DSC2: variants seen among roughly 807,000 people sequenced by gnomAD.
DSC2 encodes desmocollin 2.
In DSC2, 51 loss-of-function variants were observed where a neutral mutation model predicts 87.6. That is an observed-to-expected ratio of 0.58 (90% CI 0.46 to 0.74). The LOEUF (loss-of-function observed/expected upper bound fraction) is 0.74. Among genes scored for constraint, DSC2 ranks in the 30% least tolerant of loss-of-function variants. DSC2 has a pLI of 0.00. For missense variants in DSC2, 1,066 were observed against 1,089.5 expected (o/e 0.98, Z 0.30); for synonymous variants, 383 against 393.2 (o/e 0.97, Z 0.31).
In DSC2 at chr18:31,059,847, T is replaced by G. The variant is rs1415751523; in HGVS notation, c.*8168A>C. 1 of 152,312 alleles carries G rather than the reference T, an allele frequency of 6.6e-6. No homozygotes were observed. Among genetic ancestry groups the G allele is most frequent in the East Asian group, 1.9e-4 (1 of 5,188 alleles). 9.4% of individuals were successfully genotyped at this position (152,312 alleles called of 1,614,324 possible). On this transcript the variant is annotated 3_prime_UTR_variant, in exon 16 of 16. Transcript: ENST00000280904. ...TCAAAATAAAATGATTGCATGATAT[T>G]CCATCATCATATCACAATAGTGATA...
Position 31,078,170 on chromosome 18 carries a change from C to A in DSC2, c.1663+1677G>T, listed in dbSNP as rs541619144. On this transcript the variant is annotated intron_variant, in intron 11 of 15. Transcript: ENST00000280904. The stretch of plus-strand genomic sequence containing the variant: ...TCCATTAGGGAGTGGCAGGGAGAAC[C>A]CAAATGAAATTAGCCAGTATAGATT... Among the ~76,000 whole-genome samples the A allele has an allele frequency of 6.6e-5, 10 of 152,128 alleles. No homozygotes were observed. The East Asian group carries it at 9.6e-4, about 15-fold the overall frequency.
chr18:31,088,001 G>A lies in DSC2; in HGVS notation c.631-188C>T, dbSNP rs2276373. 0.26 allele frequency among the ~76,000 whole-genome samples: 39,099 copies of A among 151,974 alleles called. 5,171 individuals are homozygous for A. The highest frequency in any genetic ancestry group is 0.33 in the Middle Eastern group (96 of 292). On this transcript the variant is annotated intron_variant, in intron 5 of 15. Transcript: ENST00000280904. ...GGTGCCTAATTTCATGATTCAATAT[G>A]GCATTGTATGTTTAAATTTATCTCT...
At chr18:31,081,751 G>A (rs890677294) in intron 9 of DSC2, among the ~76,000 whole-genome samples, 1 of 152,198 alleles carries the variant, frequency 6.6e-6, no homozygotes, top group African/African-American at 2.4e-5. Context: ...AGTTTTAGAA[G>A]TGTTTGCATT....
chr18:31,082,363 C>T lies in DSC2; in HGVS notation c.1138G>A (p.Asp380Asn), dbSNP rs267605147. 2 of 1,613,752 alleles carry T rather than the reference C, an allele frequency of 1.2e-6. No homozygotes were observed. The highest frequency in any genetic ancestry group is 2.7e-5 in the African/African-American group (2 of 74,920). The change falls in exon 9 of 16, where the codon GAT becomes AAT. Residue 380 changes from aspartate (D) to asparagine (N), a missense_variant. Coordinates refer to ENST00000280904, the MANE Select transcript of DSC2 (RefSeq NM_024422.6). ...TTAGCAGTATTCACTAAGTCCTTAT[C>T]CTCAACAGTAACTCGTAAGATTTCC... ...DVEILRVTVE[D>N]KDLVNTANWR... is the part of the protein sequence containing the mutation.
At chr18:31,101,615 G>A (rs1237134452) in intron 1 of DSC2, 2 of 407,394 alleles carry the variant, frequency 4.9e-6, no homozygotes, top group Non-Finnish European at 8.7e-6. Context: ...GCGTACCCAG[G>A]GGCCACGATT....
At chr18:31,068,871 G>A in intron 15 of DSC2, 23 bp downstream of exon 15, 1 of 1,612,354 alleles carries the variant, frequency 6.2e-7, no homozygotes, top group Non-Finnish European at 8.5e-7. Context: ...AAATAGATTT[G>A]TAGGCCACTT....
chr18:31,068,285 T>C (rs1986698534), intron 15 of DSC2, 73 bp from the exon 16 acceptor site: 6 of 1,612,906 alleles, frequency 3.7e-6, no homozygotes, highest in Non-Finnish European at 5.1e-6. Flanking sequence ...ATAAAAGTAA[T>C]TGCTTTGATT....
At position 31,061,982 on chromosome 18, in the gene DSC2, T is replaced by C. The variant is rs1454568183; in HGVS notation, c.*6033A>G. The C allele has an allele frequency of 1.3e-5, 2 of 152,224 alleles. No individual in the cohort carries two copies. The highest frequency in any genetic ancestry group is 2.9e-5 in the Non-Finnish European group (2 of 68,054). The allele number at this position is 152,224 out of a possible 1,614,324, so 9.4% of individuals were successfully genotyped here. On this transcript the variant is annotated 3_prime_UTR_variant, in exon 16 of 16. Transcript: ENST00000280904. The stretch of plus-strand genomic sequence containing the variant: ...GAAAGCAAAACACATAGGTCTGTCC[T>C]ACATGTCCTACGTGAGAAGAGCAGG...
At position 31,074,783 on chromosome 18, in the gene DSC2, C is replaced by G. The variant is rs146161960; in HGVS notation, c.1788G>C (p.Ala596=). 6.2e-7 allele frequency: 1 copy of G among 1,613,852 alleles called. No homozygotes were observed. Among genetic ancestry groups the G allele is most frequent in the East Asian group, 2.2e-5 (1 of 44,856 alleles). ...CATGGATAGGCTCATCAGGATCAACCGCAACAATCTCCGCAGATGACATGG... is the reference window on the plus strand; with the variant it reads ...CATGGATAGGCTCATCAGGATCAACGGCAACAATCTCCGCAGATGACATGG... ...KPTMSSAEIV[A]VDPDEPIHGP... Residue 596 remains alanine (A), a synonymous_variant, in exon 12 of 16, where the codon GCG becomes GCC. Coordinates refer to ENST00000280904, the MANE Select transcript of DSC2 (RefSeq NM_024422.6).
At chr18:31,087,127 C>A (rs1371552051) in intron 6 of DSC2, among the ~76,000 whole-genome samples, 1 of 152,156 alleles carries the variant, frequency 6.6e-6, no homozygotes, top group Non-Finnish European at 1.5e-5. Context: ...TTAGACATTT[C>A]TAGACAAGGT....
At chr18:31,086,479 G>T in intron 7 of DSC2, 97 bp downstream of exon 7, 1 of 1,396,524 alleles carries the variant, frequency 7.2e-7, no homozygotes, top group Non-Finnish European at 1.0e-6. Context: ...TCTAAAATGA[G>T]ATTCACAACA....
At position 31,083,029 on chromosome 18, in the gene DSC2, A is replaced by G; in HGVS notation, c.974T>C (p.Val325Ala). Residue 325 changes from valine (V) to alanine (A), a missense_variant, in exon 8 of 16, where the codon GTA (valine) becomes GCA (alanine). By Grantham distance (64) the Val-to-Ala change is moderately conservative. Transcript: ENST00000280904. ...LIDKYQLKIK[V>A]QDMDGQYFGL... Reference sequence around the variant, plus strand: ...AAAATACTGACCATCCATGTCTTGTACTTTTATTTTCAACTGGTACTTGTC... The same window carrying G: ...AAAATACTGACCATCCATGTCTTGTGCTTTTATTTTCAACTGGTACTTGTC... The G allele has an allele frequency of 6.2e-7, 1 of 1,612,922 alleles. No individual in the cohort carries two copies. The highest frequency in any genetic ancestry group is 1.3e-5 in the African/African-American group (1 of 75,030).
intron 9 of DSC2, 97 bp downstream of exon 9, chr18:31,082,141 T>C: frequency 1.7e-6 from 2 of 1,174,210 alleles, no homozygotes; most frequent in East Asian, 4.8e-5. Context: ...ATACCTATTT[T>C]ATTCTACATT....
Position 31,059,399 on chromosome 18 carries a change from A to G in DSC2, c.*8616T>C, listed in dbSNP as rs1986457990. 1.3e-5 allele frequency: 2 copies of G among 152,180 alleles called. No homozygotes were observed. Among genetic ancestry groups the G allele is most frequent in the Admixed American group, 6.5e-5 (1 of 15,268 alleles). 9.4% of individuals were successfully genotyped at this position (152,180 alleles called of 1,614,324 possible). ...AAATTTTAAGACCAAAAGCACATGA[A>G]TGCACTCAGTTATGATAATGTGAGA... On this transcript the variant is annotated 3_prime_UTR_variant, in exon 16 of 16. Transcript: ENST00000280904.
At chr18:31,090,851 A>C (rs1486513403) in intron 4 of DSC2, among the ~76,000 whole-genome samples, 177 bp downstream of exon 4, 2 of 152,224 alleles carry the variant, frequency 1.3e-5, no homozygotes, top group Non-Finnish European at 2.9e-5. Context: ...CAAGCTGAAC[A>C]AAAGTGTATG....
chr18:31,068,338 T>G, intron 15 of DSC2, 126 bp from the exon 16 acceptor site: 1 of 1,612,844 alleles, frequency 6.2e-7, no homozygotes, highest in Non-Finnish European at 8.5e-7. Flanking sequence ...TGTCCTCTAA[T>G]GGATTCCTAT....
At chr18:31,091,392 G>A in intron 3 of DSC2, 1 of 592,094 alleles carries the variant, frequency 1.7e-6, no homozygotes. Flanking sequence ...AAAGAGAGAT[G>A]GAACTGGAAG....
intron 1 of DSC2, among the ~76,000 whole-genome samples, chr18:31,096,796 C>T (rs1987773593): frequency 1.3e-5 from 2 of 151,982 alleles, no homozygotes; most frequent in African/African-American, 2.4e-5. Context: ...TCTCCAAGGT[C>T]ACTATATGTA....
At chr18:31,090,123 G>C (rs1243473078) in intron 4 of DSC2, among the ~76,000 whole-genome samples, 1 of 151,984 alleles carries the variant, frequency 6.6e-6, no homozygotes, top group Non-Finnish European at 1.5e-5. Flanking sequence ...TAATATTTTG[G>C]AATGTGTAAT....
Sources: gnomAD v4.1 joint callset for allele counts (sites outside exome capture counted in the v4.1 genomes callset) on GRCh38, gnomAD v4.1.1 for gene constraint, MANE v1.5 for transcripts, NCBI Gene and HGNC (gene_info 2026-07-23, HGNC 2026-07-21) for gene names.